NR5A2: variants seen among roughly 807,000 people sequenced by gnomAD.
The protein encoded by NR5A2 is nuclear receptor subfamily 5 group A member 2, also known as CYP7A promoter-binding factor.
In NR5A2, 26 loss-of-function variants were observed where a neutral mutation model predicts 62.7. That is an observed-to-expected ratio of 0.41 (90% confidence interval 0.30 to 0.58). The LOEUF is 0.58. Among genes scored for constraint, NR5A2 ranks in the 20% least tolerant of loss-of-function variants. The pLI is 0.22. For synonymous variants in NR5A2, 246 were observed against 241.7 expected, an observed-to-expected ratio of 1.02 and a Z score of -0.16; for missense variants, 541 against 669.1, an observed-to-expected ratio of 0.81 and a Z score of 2.11.
chr1:200,127,899 CTATT>C (rs68047272), intron 7 of NR5A2, among the ~76,000 whole-genome samples: 61,042 of 147,844 alleles, frequency 0.41, 12,785 homozygotes, highest in Admixed American at 0.44. Flanking sequence ...TACTAAGACA[CTATT>C]TATTTATTTA....
Position 200,175,465 on chromosome 1 carries a change from A to G in NR5A2, c.*1255A>G, listed in dbSNP as rs1237817787. On this transcript the variant is annotated 3_prime_UTR_variant, in exon 8 of 8. Transcript: ENST00000367362. The stretch of plus-strand genomic sequence containing the variant: ...TAGAACAAATATGGGAGGACAAAGA[A>G]TCGCAAATTCTTCAAATGACTATTA... 6.5e-6 allele frequency: 1 copy of G among 152,714 alleles called. No homozygotes were observed. The highest frequency in any genetic ancestry group is 1.5e-5 in the Non-Finnish European group (1 of 68,052). The allele number at this position is 152,714 out of a possible 1,614,324, so 9.5% of individuals were successfully genotyped here.
chr1:200,034,619 G>A (rs1247329677), intron 1 of NR5A2, among the ~76,000 whole-genome samples: 2 of 150,902 alleles, frequency 1.3e-5, no homozygotes, highest in Non-Finnish European at 2.9e-5. Flanking sequence ...TGGGGGGTAG[G>A]TTGGATTACC....
chr1:200,123,833 C>T (rs1457743782), intron 7 of NR5A2, among the ~76,000 whole-genome samples: 1 of 142,274 alleles, frequency 7.0e-6, no homozygotes, highest in Non-Finnish European at 1.5e-5. Flanking sequence ...CGGAGTTTCA[C>T]TCTTGGTGCC....
chr1:200,068,685 C>T (rs1663609360), intron 5 of NR5A2, among the ~76,000 whole-genome samples: 1 of 152,042 alleles, frequency 6.6e-6, no homozygotes, highest in Non-Finnish European at 1.5e-5. Context: ...TGCTTGAGTC[C>T]CTCAAAAAGC....
intron 4 of NR5A2, among the ~76,000 whole-genome samples, chr1:200,047,669 C>T (rs1434314004): frequency 1.3e-5 from 2 of 151,812 alleles, no homozygotes; most frequent in East Asian, 1.9e-4. Context: ...CTCCACTTCC[C>T]GGGTTCAAGC....
intron 7 of NR5A2, among the ~76,000 whole-genome samples, chr1:200,137,338 A>G (rs940673926): frequency 6.5e-5 from 5 of 76,968 alleles, no homozygotes; most frequent in Admixed American, 4.0e-4. Context: ...TTTTTTTTTT[A>G]TGTTTTTGGT....
intron 7 of NR5A2, among the ~76,000 whole-genome samples, chr1:200,170,619 C>T (rs1285527513): frequency 1.3e-5 from 2 of 152,174 alleles, no homozygotes. Flanking sequence ...CCAGGGTCTA[C>T]CTGTCTGTCA....
At chr1:200,118,880 T>C (rs1051734666) in intron 6 of NR5A2, among the ~76,000 whole-genome samples, 2 of 152,202 alleles carry the variant, frequency 1.3e-5, no homozygotes, top group African/African-American at 2.4e-5. Flanking sequence ...AGCTCAGGGT[T>C]CAGGTTGCCC....
intron 6 of NR5A2, among the ~76,000 whole-genome samples, chr1:200,112,225 A>G (rs1226093688): frequency 6.6e-6 from 1 of 152,226 alleles, no homozygotes; most frequent in Non-Finnish European, 1.5e-5. Context: ...CAAAGTCTTA[A>G]AGGAGGAGAG....
chr1:200,048,866 C>G lies in NR5A2; in HGVS notation c.1110+48C>G. Reference sequence around the variant, plus strand: ...TTACAGCACCCCTTTTAAGAGAGACCTAACTATGTTCCTAATTAATACATT... The same window carrying G: ...TTACAGCACCCCTTTTAAGAGAGACGTAACTATGTTCCTAATTAATACATT... On this transcript the variant is annotated intron_variant, in intron 5 of 7. Transcript: ENST00000367362. The surrounding 1 kb of genome is among the most constrained non-coding windows in gnomAD (Gnocchi z 4.8). 1 of 1,584,070 alleles carries G rather than the reference C, an allele frequency of 6.3e-7. No homozygotes were observed. The highest frequency in any genetic ancestry group is 8.6e-7 in the Non-Finnish European group (1 of 1,158,600).
At chr1:200,031,502 G>A (rs1661544989) in intron 1 of NR5A2, among the ~76,000 whole-genome samples, 1 of 150,834 alleles carries the variant, frequency 6.6e-6, no homozygotes, top group Non-Finnish European at 1.5e-5. Flanking sequence ...GCAACAAAGT[G>A]AGACCCTATC....
chr1:200,095,992 C>A (rs1391282569), intron 5 of NR5A2, among the ~76,000 whole-genome samples: 1 of 152,128 alleles, frequency 6.6e-6, no homozygotes, highest in Non-Finnish European at 1.5e-5. Context: ...ATCATTAAGA[C>A]AAGGACATGT....
rs1661491271 is a variant in NR5A2 at position 200,029,943 on chromosome 1, A to G, written c.64+2032A>G. 2.0e-5 allele frequency among the ~76,000 whole-genome samples: 3 copies of G among 152,154 alleles called. No individual in the cohort carries two copies. The South Asian group carries it at 6.2e-4, about 32-fold the overall frequency. Reference sequence around the variant, plus strand: ...GGTGCTAACGGTCGTTCCCAGGGTGAATGGCTGGACGGAGCCATCCAAAGG... The same window carrying G: ...GGTGCTAACGGTCGTTCCCAGGGTGGATGGCTGGACGGAGCCATCCAAAGG... On this transcript the variant is annotated intron_variant, in intron 1 of 7. Coordinates refer to ENST00000367362, the MANE Select transcript of NR5A2 (RefSeq NM_205860.3).
At chr1:200,133,894 G>C (rs1403127570) in intron 7 of NR5A2, among the ~76,000 whole-genome samples, 1 of 152,010 alleles carries the variant, frequency 6.6e-6, no homozygotes, top group Non-Finnish European at 1.5e-5. Flanking sequence ...CCTTCCAATG[G>C]GACAAGATAT....
At chr1:200,037,392 C>T (rs1384565555) in intron 1 of NR5A2, among the ~76,000 whole-genome samples, 1 of 152,192 alleles carries the variant, frequency 6.6e-6, no homozygotes, top group African/African-American at 2.4e-5. Flanking sequence ...GTTTGGAGTC[C>T]TGCATCCTTG....
intron 5 of NR5A2, among the ~76,000 whole-genome samples, chr1:200,056,199 C>T (rs1354470402): frequency 1.3e-5 from 2 of 152,190 alleles, no homozygotes; most frequent in Non-Finnish European, 2.9e-5. Context: ...TTCTTCTGAG[C>T]TTTCTTCTTG....
intron 7 of NR5A2, among the ~76,000 whole-genome samples, chr1:200,173,254 G>A (rs1032756395): frequency 1.3e-5 from 2 of 152,196 alleles, no homozygotes; most frequent in Non-Finnish European, 1.5e-5. Context: ...GAAACACAGA[G>A]TATCAGACTT....
At chr1:200,083,809 T>G (rs572382627) in intron 5 of NR5A2, among the ~76,000 whole-genome samples, 9 of 151,638 alleles carry the variant, frequency 5.9e-5, no homozygotes, top group Non-Finnish European at 1.2e-4. Context: ...TCTACTAAAA[T>G]ACAACATTAG....
Position 200,174,211 on chromosome 1 carries a change from G to C in NR5A2, c.*1G>C, listed in dbSNP as rs771802302. The stretch of plus-strand genomic sequence containing the variant: ...AATGTTGCATGCCAAAAGAGCATAA[G>C]TTACAACCCCTAGGAGCTCTGCTTT... On this transcript the variant is annotated 3_prime_UTR_variant, in exon 8 of 8. Transcript: ENST00000367362. The C allele has an allele frequency of 6.3e-7, 1 of 1,584,160 alleles. No individual in the cohort carries two copies. The highest frequency in any genetic ancestry group is 8.6e-7 in the Non-Finnish European group (1 of 1,163,512).
Sources: gnomAD v4.1 joint callset for allele counts (sites outside exome capture counted in the v4.1 genomes callset) on GRCh38, gnomAD v4.1.1 for gene constraint, Gnocchi (gnomAD v3.1) non-coding constraint, MANE v1.5 for transcripts, NCBI Gene and HGNC (gene_info 2026-07-23, HGNC 2026-07-21) for gene names.